RPSA2: variants seen among roughly 807,000 people sequenced by gnomAD.
The protein encoded by RPSA2 is small ribosomal subunit protein uS2B.
chr19:23,789,019 C>CATTTTTTTT, the RPSA2 span, among the ~76,000 whole-genome samples: 1 of 112,602 alleles, frequency 8.9e-6, no homozygotes, highest in Admixed American at 1.1e-4. Context: ...TTTTTTCTTT[C>CATTTTTTTT]TTTCTTTTTT....
At chr19:23,864,254 T>C in the RPSA2 span, among the ~76,000 whole-genome samples, 1 of 152,210 alleles carries the variant, frequency 6.6e-6, no homozygotes, top group Admixed American at 6.5e-5. Flanking sequence ...CAATTTTTAA[T>C]TTCTCTGAAG....
the RPSA2 span, among the ~76,000 whole-genome samples, chr19:23,763,461 G>C: frequency 6.6e-6 from 1 of 152,160 alleles, no homozygotes; most frequent in Non-Finnish European, 1.5e-5. Flanking sequence ...GCAGCCTATG[G>C]GGCTCCCAGT....
chr19:23,781,877 T>G, the RPSA2 span, among the ~76,000 whole-genome samples: 3,327 of 152,270 alleles, frequency 0.022, 129 homozygotes, highest in African/African-American at 0.076. Context: ...CAGTTCACAG[T>G]GCTGTATCAC....
At chr19:23,865,663 T>C in the RPSA2 span, among the ~76,000 whole-genome samples, 2 of 152,176 alleles carry the variant, frequency 1.3e-5, no homozygotes, top group Admixed American at 6.5e-5. Context: ...AATTGGCCTC[T>C]GCCACCCCCT....
At chr19:23,806,084 G>T in the RPSA2 span, among the ~76,000 whole-genome samples, 1 of 129,176 alleles carries the variant, frequency 7.7e-6, no homozygotes, top group African/African-American at 3.0e-5. Flanking sequence ...TCACTCTGTC[G>T]TCCCCGCTGG....
chr19:23,867,036 C>A, the RPSA2 span, among the ~76,000 whole-genome samples: 13 of 152,142 alleles, frequency 8.5e-5, no homozygotes, highest in South Asian at 4.1e-4. Flanking sequence ...GCAAATTACA[C>A]CCTTCTGCAT....
the RPSA2 span, among the ~76,000 whole-genome samples, chr19:23,789,557 CT>C: frequency 6.6e-6 from 1 of 152,170 alleles, no homozygotes; most frequent in African/African-American, 2.4e-5. Flanking sequence ...GAGTTACTCT[CT>C]CTCCTAGCTA....
At chr19:23,863,087 T>C in the RPSA2 span, among the ~76,000 whole-genome samples, 19 of 152,128 alleles carry the variant, frequency 1.2e-4, no homozygotes, top group African/African-American at 4.6e-4. Flanking sequence ...CTGCTTCTAC[T>C]GCTATCATGA....
chr19:23,785,350 A>C, the RPSA2 span, among the ~76,000 whole-genome samples: 5 of 152,074 alleles, frequency 3.3e-5, no homozygotes, highest in African/African-American at 1.2e-4. Flanking sequence ...CCCAACACCT[A>C]TAAAAAGGGA....
the RPSA2 span, chr19:23,818,251 G>T: frequency 6.6e-6 from 1 of 152,152 alleles, no homozygotes; most frequent in Non-Finnish European, 1.5e-5. Context: ...ACAAGGAGGG[G>T]TAAGAGACAA....
the RPSA2 span, among the ~76,000 whole-genome samples, chr19:23,847,797 A>G: frequency 6.6e-6 from 1 of 152,126 alleles, no homozygotes; most frequent in African/African-American, 2.4e-5. Flanking sequence ...CAGAGCGGCC[A>G]TTTATAGACC....
the RPSA2 span, among the ~76,000 whole-genome samples, chr19:23,866,668 A>T: frequency 6.6e-6 from 1 of 152,098 alleles, no homozygotes; most frequent in Non-Finnish European, 1.5e-5. Flanking sequence ...TCAAGCCATG[A>T]GGGCATTCCC....
chr19:23,860,283 C>A, the RPSA2 span, among the ~76,000 whole-genome samples: 1 of 152,196 alleles, frequency 6.6e-6, no homozygotes, highest in Non-Finnish European at 1.5e-5. Flanking sequence ...ATTCTTTTCT[C>A]ACACTCCACT....
chr19:23,792,512 G>C, the RPSA2 span, among the ~76,000 whole-genome samples: 2 of 152,040 alleles, frequency 1.3e-5, 1 homozygote, highest in Non-Finnish European at 2.9e-5. Flanking sequence ...AAATAAAACA[G>C]ATGTATATAA....
chr19:23,818,178 G>A, the RPSA2 span: 8 of 152,270 alleles, frequency 5.3e-5, no homozygotes, highest in African/African-American at 1.9e-4. Context: ...TTTAGTTAGG[G>A]TCATTAGTTG....
the RPSA2 span, chr19:23,808,930 C>A: frequency 3.3e-6 from 1 of 299,906 alleles, no homozygotes. Context: ...TCTGGAAAGC[C>A]TGAAATTTTT....
chr19:23,842,359 A>G, the RPSA2 span, among the ~76,000 whole-genome samples: 1 of 152,122 alleles, frequency 6.6e-6, no homozygotes, highest in Non-Finnish European at 1.5e-5. Context: ...TTTGGATCTT[A>G]TTTTATCCTC....
chr19:23,835,624 T>TTG, the RPSA2 span, among the ~76,000 whole-genome samples: 1 of 151,948 alleles, frequency 6.6e-6, no homozygotes, highest in Non-Finnish European at 1.5e-5. Context: ...AGTTTTTTTT[T>TTG]TTGTTGTTGT....
the RPSA2 span, among the ~76,000 whole-genome samples, chr19:23,785,289 C>CT: frequency 1.3e-5 from 2 of 152,094 alleles, no homozygotes; most frequent in African/African-American, 2.4e-5. Flanking sequence ...TGTGAATTTG[C>CT]TTTTTTTCCC....
Sources: gnomAD v4.1 joint callset for allele counts (sites outside exome capture counted in the v4.1 genomes callset) on GRCh38, gnomAD v4.1.1 for gene constraint, MANE v1.5 for transcripts, NCBI Gene and HGNC (gene_info 2026-07-23, HGNC 2026-07-21) for gene names.